Variants in CHCHD6 observed in about 807,000 individuals in gnomAD.
CHCHD6 encodes the protein coiled-coil-helix-coiled-coil-helix domain containing 6.
Under a neutral mutation model 32.3 loss-of-function variants are expected in CHCHD6, and 28 were observed. That is an observed-to-expected ratio of 0.87 (90% CI 0.64 to 1.19). The LOEUF (loss-of-function observed/expected upper bound fraction) is 1.19, where lower values mean the gene tolerates loss of function less well. Among genes scored for constraint, CHCHD6 ranks in the 50% most tolerant of loss-of-function variants. The pLI, the probability that CHCHD6 is intolerant of heterozygous loss-of-function variation, is 0.00. For missense variants in CHCHD6, 333 were observed against 307.0 expected (o/e 1.08, Z -0.63); for synonymous variants, 122 against 117.5 (o/e 1.04, Z -0.25).
chr3:126,863,310 C>G (rs1398023961), intron 5 of CHCHD6, among the ~76,000 whole-genome samples: 1 of 140,048 alleles, frequency 7.1e-6, no homozygotes. Context: ...CCTCCTCCTC[C>G]TCCATCACCA....
chr3:126,833,501 T>C (rs1576470475), intron 4 of CHCHD6, among the ~76,000 whole-genome samples: 1 of 152,240 alleles, frequency 6.6e-6, no homozygotes, highest in South Asian at 2.1e-4. Flanking sequence ...GCACGCGATA[T>C]GTCTTTGATG....
intron 6 of CHCHD6, among the ~76,000 whole-genome samples, chr3:126,933,284 G>T (rs2107599527): frequency 6.6e-6 from 1 of 152,268 alleles, no homozygotes; most frequent in East Asian, 1.9e-4. Flanking sequence ...GGTAGGCTGG[G>T]TCCTCAACCC....
chr3:126,930,056 A>C (rs1046749227), intron 6 of CHCHD6, among the ~76,000 whole-genome samples: 7 of 152,178 alleles, frequency 4.6e-5, no homozygotes. Context: ...ACTAGGCTGG[A>C]TCATGAAGGA....
chr3:126,708,404 G>C (rs1189820605), intron 1 of CHCHD6, among the ~76,000 whole-genome samples: 1 of 152,338 alleles, frequency 6.6e-6, no homozygotes, highest in East Asian at 1.9e-4. Flanking sequence ...GCCAGACTCA[G>C]GGCCCAAATG....
chr3:126,845,660 T>A (rs1432817204), intron 4 of CHCHD6, among the ~76,000 whole-genome samples: 1 of 152,218 alleles, frequency 6.6e-6, no homozygotes, highest in Non-Finnish European at 1.5e-5. Context: ...TTTGTCTGTT[T>A]GTGTTTTAAT....
At chr3:126,799,076 C>A (rs1938938960) in intron 4 of CHCHD6, among the ~76,000 whole-genome samples, 1 of 152,178 alleles carries the variant, frequency 6.6e-6, no homozygotes, top group Non-Finnish European at 1.5e-5. Flanking sequence ...CCAGGCTTGG[C>A]CCTTTGTTAA....
At chr3:126,935,471 A>G (rs1452925091) in intron 6 of CHCHD6, among the ~76,000 whole-genome samples, 3 of 152,254 alleles carry the variant, frequency 2.0e-5, no homozygotes, top group South Asian at 4.1e-4. Flanking sequence ...CAAGGACAGC[A>G]TTGCATGGTT....
chr3:126,814,287 A>G (rs1023356941), intron 4 of CHCHD6, among the ~76,000 whole-genome samples: 1 of 152,210 alleles, frequency 6.6e-6, no homozygotes, highest in African/African-American at 2.4e-5. Context: ...TGAAGCACAG[A>G]CAGGACAGAG....
At chr3:126,758,694 G>C (rs1388567770) in intron 4 of CHCHD6, among the ~76,000 whole-genome samples, 2 of 152,214 alleles carry the variant, frequency 1.3e-5, no homozygotes, top group Non-Finnish European at 2.9e-5. Context: ...TGAGCAAGGA[G>C]ATGTGTGCAG....
At chr3:126,809,307 C>T (rs1246671432) in intron 4 of CHCHD6, among the ~76,000 whole-genome samples, 1 of 152,158 alleles carries the variant, frequency 6.6e-6, no homozygotes, top group Non-Finnish European at 1.5e-5. Flanking sequence ...CCCCTTCCGC[C>T]TCTTGGTAGC....
At chr3:126,869,141 A>T (rs922795910) in intron 5 of CHCHD6, among the ~76,000 whole-genome samples, 5 of 152,246 alleles carry the variant, frequency 3.3e-5, no homozygotes, top group Non-Finnish European at 7.3e-5. Flanking sequence ...CATTTTAAGC[A>T]ACCTTATTTG....
chr3:126,852,993 C>T (rs1048375985), intron 5 of CHCHD6, among the ~76,000 whole-genome samples: 3 of 152,112 alleles, frequency 2.0e-5, no homozygotes, highest in Admixed American at 6.5e-5. Flanking sequence ...GCTGGCTCTA[C>T]GGTAGTTCAA....
intron 5 of CHCHD6, among the ~76,000 whole-genome samples, chr3:126,865,193 C>T (rs1559891245): frequency 6.7e-6 from 1 of 148,544 alleles, no homozygotes; most frequent in Non-Finnish European, 1.5e-5. Context: ...CCACTACCAC[C>T]TCCACTTCTT....
At chr3:126,750,809 T>C (rs771423977) in intron 4 of CHCHD6, among the ~76,000 whole-genome samples, 28 of 152,354 alleles carry the variant, frequency 1.8e-4, no homozygotes, top group Middle Eastern at 3.4e-3. Flanking sequence ...TCACCATAAA[T>C]GGAAAGTTTT....
At chr3:126,744,349 C>T (rs959582209) in intron 4 of CHCHD6, among the ~76,000 whole-genome samples, 2 of 152,196 alleles carry the variant, frequency 1.3e-5, no homozygotes, top group Admixed American at 6.5e-5. Flanking sequence ...TGGGGAGATG[C>T]CATTGCTGGC....
At chr3:126,721,789 G>A (rs1278912908) in intron 1 of CHCHD6, among the ~76,000 whole-genome samples, 1 of 143,012 alleles carries the variant, frequency 7.0e-6, no homozygotes, top group Non-Finnish European at 1.5e-5. Context: ...CAAGCCCAAG[G>A]CAGTCACGAA....
At chr3:126,721,156 C>T (rs1426596342) in intron 1 of CHCHD6, among the ~76,000 whole-genome samples, 1 of 152,228 alleles carries the variant, frequency 6.6e-6, no homozygotes, top group Non-Finnish European at 1.5e-5. Context: ...CATCCCACCT[C>T]CCACGCAGGC....
intron 4 of CHCHD6, among the ~76,000 whole-genome samples, chr3:126,769,607 A>G (rs1482418125): frequency 1.3e-5 from 2 of 152,000 alleles, no homozygotes; most frequent in African/African-American, 4.8e-5. Flanking sequence ...AGTTCAAATG[A>G]TTCTCCTGCC....
intron 4 of CHCHD6, among the ~76,000 whole-genome samples, chr3:126,785,819 A>T (rs1002053353): frequency 6.6e-6 from 1 of 151,924 alleles, no homozygotes; most frequent in Non-Finnish European, 1.5e-5. Flanking sequence ...TTTCTTTTAT[A>T]CATATATATA....
Sources: allele counts gnomAD v4.1 joint callset (sites outside exome capture counted in the v4.1 genomes callset), GRCh38; gene constraint gnomAD v4.1.1; transcripts MANE v1.5; gene names NCBI Gene and HGNC (gene_info 2026-07-23, HGNC 2026-07-21).